VMP1: variants seen among roughly 807,000 people sequenced by gnomAD.
VMP1 encodes ectopic P-granules autophagy protein 3 homolog.
VMP1 carries 11 observed loss-of-function variants against 56.0 expected under a neutral mutation model. That is an observed-to-expected ratio of 0.20 (90% CI 0.12 to 0.32). The LOEUF (loss-of-function observed/expected upper bound fraction) is 0.32. Among genes scored for constraint, VMP1 ranks in the 10% least tolerant of loss-of-function variants. The probability of loss-of-function intolerance (pLI) is 1.00; values close to 1 mark genes in which losing one functional copy is unlikely to be tolerated. For synonymous variants in VMP1, 149 were observed against 165.0 expected (o/e 0.90, Z 0.74); for missense variants, 296 against 490.3 (o/e 0.60, Z 3.74).
At chr17:59,828,213 A>T (rs2038703941) in intron 10 of VMP1, among the ~76,000 whole-genome samples, 1 of 152,216 alleles carries the variant, frequency 6.6e-6, no homozygotes, top group Non-Finnish European at 1.5e-5. Context: ...GCCTTCTGAA[A>T]TGAGGTTTTG....
chr17:59,731,393 A>G (rs2143801438), intron 1 of VMP1, 28 bp from the exon 2 acceptor site: 1 of 1,406,032 alleles, frequency 7.1e-7, no homozygotes, highest in Non-Finnish European at 9.8e-7. Context: ...TTTGTAATGT[A>G]TTGCTGGATT....
At chr17:59,732,679 C>T (rs1476860904) in intron 2 of VMP1, among the ~76,000 whole-genome samples, 1 of 152,210 alleles carries the variant, frequency 6.6e-6, no homozygotes, top group East Asian at 1.9e-4. Flanking sequence ...GCATTGCATA[C>T]ATCATAGTGT....
Position 59,831,871 on chromosome 17 carries a change from G to A in VMP1, c.975-6424G>A, listed in dbSNP as rs148585223. 2.6e-3 allele frequency among the ~76,000 whole-genome samples: 393 copies of A among 151,494 alleles called. 1 individual carries two copies. The highest frequency in any genetic ancestry group is 8.5e-3 in the African/African-American group (349 of 41,286). On this transcript the variant is annotated intron_variant, in intron 10 of 11. Transcript: ENST00000262291. ...GCCACTAGCATCATTTGTTGGAAAT[G>A]TGTTTGTTTGTTTCGGAGACAGGAT...
intron 7 of VMP1, among the ~76,000 whole-genome samples, chr17:59,784,136 T>TGA (rs1182813441): frequency 2.8e-4 from 38 of 136,240 alleles, no homozygotes; most frequent in Middle Eastern, 3.7e-3. Context: ...TGTGTGTGTG[T>TGA]GTGTGTGAGA....
chr17:59,808,648 T>G, intron 7 of VMP1, 148 bp from the exon 8 acceptor site: 1 of 614,846 alleles, frequency 1.6e-6, no homozygotes, highest in Non-Finnish European at 2.8e-6. Flanking sequence ...TACTTGTGTT[T>G]CAGTGAACAA....
intron 10 of VMP1, 30 bp from the exon 11 acceptor site, chr17:59,838,265 T>C: frequency 6.9e-6 from 11 of 1,592,550 alleles, no homozygotes; most frequent in Non-Finnish European, 8.6e-6. Context: ...AATGTGTCTT[T>C]TTCTTTGGGC....
intron 5 of VMP1, among the ~76,000 whole-genome samples, chr17:59,750,328 T>A (rs1237122140): frequency 6.7e-6 from 1 of 148,234 alleles, no homozygotes; most frequent in East Asian, 2.0e-4. Context: ...TGAGATAGAG[T>A]TTTGCTCTTG....
chr17:59,812,835 G>T (rs750076819), intron 9 of VMP1, among the ~76,000 whole-genome samples: 2 of 152,232 alleles, frequency 1.3e-5, no homozygotes, highest in Middle Eastern at 3.4e-3. Flanking sequence ...GGAGGCTGAC[G>T]CAGGAGAGTC....
At chr17:59,824,599 G>A (rs1210439969) in intron 10 of VMP1, among the ~76,000 whole-genome samples, 2 of 142,382 alleles carry the variant, frequency 1.4e-5, no homozygotes, top group Admixed American at 1.4e-4. Context: ...AGGACCAGGC[G>A]CAGTGGCCCA....
chr17:59,808,987 T>G (rs1598424914), intron 8 of VMP1, 111 bp downstream of exon 8: 1 of 883,844 alleles, frequency 1.1e-6, no homozygotes, highest in Non-Finnish European at 1.7e-6. Flanking sequence ...GGTATGTAAT[T>G]TTGTGAATCA....
In VMP1 at chr17:59,735,354, T is replaced by C. The variant is rs755811248; in HGVS notation, c.93T>C (p.Asn31=). The C allele has an allele frequency of 6.2e-7, 1 of 1,614,108 alleles. No homozygotes were observed. The highest frequency in any genetic ancestry group is 1.3e-5 in the African/African-American group (1 of 75,056). The change falls in exon 3 of 12, where the codon AAT becomes AAC. Residue 31 remains asparagine, a synonymous_variant. Coordinates refer to ENST00000262291, the MANE Select transcript of VMP1 (RefSeq NM_030938.5). The part of the protein sequence containing the change: ...NGNFTDPSSV[N]EKKRREREER... ...GTTTTTCAGACCCCTCTTCAGTGAA[T>C]GAAAAGAAGAGGAGGGAGCGGGAAG...
intron 9 of VMP1, among the ~76,000 whole-genome samples, 168 bp from the exon 10 acceptor site, chr17:59,817,544 G>T (rs2038287827): frequency 6.6e-6 from 1 of 151,644 alleles, no homozygotes; most frequent in Non-Finnish European, 1.5e-5. Context: ...TAGAGACGGG[G>T]TTTCACCATG....
intron 7 of VMP1, among the ~76,000 whole-genome samples, chr17:59,783,150 C>T (rs774319584): frequency 3.9e-4 from 59 of 152,078 alleles, no homozygotes; most frequent in Non-Finnish European, 7.9e-4. Flanking sequence ...GAGTCAAGAT[C>T]GCGCCACTGC....
intron 7 of VMP1, among the ~76,000 whole-genome samples, chr17:59,776,458 A>T (rs887301857): frequency 1.3e-5 from 2 of 152,346 alleles, no homozygotes; most frequent in East Asian, 3.9e-4. Context: ...TAATTATTAC[A>T]AATATAAACT....
chr17:59,779,309 G>C (rs2036738034), intron 7 of VMP1, among the ~76,000 whole-genome samples: 1 of 152,150 alleles, frequency 6.6e-6, no homozygotes, highest in Non-Finnish European at 1.5e-5. Flanking sequence ...CCTGAGCCCA[G>C]AACATTCACT....
Position 59,811,778 on chromosome 17 carries a change from C to T in VMP1, c.904C>T (p.His302Tyr), listed in dbSNP as rs2038058295. 6.2e-7 allele frequency: 1 copy of T among 1,606,092 alleles called. No individual in the cohort carries two copies. ...TLIGKAIIKM[H>Y]IQKIFVIITF... Reference sequence around the variant, plus strand: ...AATTGGAAAAGCAATAATAAAAATGCATATCCAGGTAATTATACCCCCTGA... The same window carrying T: ...AATTGGAAAAGCAATAATAAAAATGTATATCCAGGTAATTATACCCCCTGA... The change falls in exon 9 of 12, where the codon CAT becomes TAT. Residue 302 changes from histidine (H) to tyrosine (Y), a missense_variant. Physicochemically the swap from His to Tyr is moderately conservative, Grantham distance 83 (BLOSUM62 2). This residue lies in a region of VMP1 where 95 missense variants were observed against 137.6 expected (regional missense o/e 0.69). Coordinates refer to ENST00000262291, the MANE Select transcript of VMP1 (RefSeq NM_030938.5).
intron 11 of VMP1, 46 bp downstream of exon 11, chr17:59,838,443 C>A: frequency 1.9e-6 from 3 of 1,589,060 alleles, no homozygotes; most frequent in Non-Finnish European, 2.6e-6. Flanking sequence ...AAGTTTCGGG[C>A]TGAAATTACA....
In VMP1 at chr17:59,836,196, G is replaced by T. The variant is rs143594408; in HGVS notation, c.975-2099G>T. 3.7e-3 allele frequency among the ~76,000 whole-genome samples: 557 copies of T among 151,204 alleles called. 4 individuals are homozygous for T. Among genetic ancestry groups the T allele is most frequent in the African/African-American group, 0.012 (506 of 41,390 alleles). ...TGTACCTCCTTCAGTATTCATTAAA[G>T]AATCTTTTTTTTATTTTTTTATTTT... is the stretch of plus-strand genomic sequence containing the variant. On this transcript the variant is annotated intron_variant, in intron 10 of 11. Coordinates refer to ENST00000262291, the MANE Select transcript of VMP1 (RefSeq NM_030938.5).
intron 5 of VMP1, among the ~76,000 whole-genome samples, chr17:59,758,950 G>A (rs976772975): frequency 2.3e-4 from 35 of 151,890 alleles, no homozygotes; most frequent in African/African-American, 8.0e-4. Context: ...GCCAGGCGTG[G>A]TGGTGTACAC....
Sources: gnomAD v4.1 joint callset for allele counts (sites outside exome capture counted in the v4.1 genomes callset) on GRCh38, gnomAD v4.1.1 for gene constraint, gnomAD v4.1.1 regional missense constraint, MANE v1.5 for transcripts, NCBI Gene and HGNC (gene_info 2026-07-23, HGNC 2026-07-21) for gene names.